The following SGCZ variants were observed in gnomAD, a reference collection of about 807,000 sequenced individuals.
SGCZ encodes sarcoglycan zeta, also known as zeta-sarcoglycan.
Under a neutral mutation model 41.3 loss-of-function variants are expected in SGCZ, and 40 were observed. The ratio of observed to expected loss-of-function variants is 0.97; its 90% CI spans 0.75 to 1.26. The LOEUF (loss-of-function observed/expected upper bound fraction) is 1.26. Ranked by LOEUF, SGCZ falls within the 50% of genes most tolerant of loss-of-function variation. The pLI, the probability that SGCZ is intolerant of heterozygous loss-of-function variation, is 0.00. For missense variants in SGCZ, 552 were observed against 369.8 expected (o/e 1.49, Z -4.04); for synonymous variants, 206 against 137.5 (o/e 1.50, Z -3.49).
rs563228127 is a variant in SGCZ at position 14,945,166 on chromosome 8, G to A, written c.39+292419C>T. The stretch of plus-strand genomic sequence containing the variant: ...TAGGCAATGTTGTGTGTGGGTGGGT[G>A]GGGGGGGTGGGCGGGGACAGAGTAA... On this transcript the variant is annotated intron_variant, in intron 1 of 7. Coordinates refer to ENST00000382080, the MANE Select transcript of SGCZ (RefSeq NM_139167.4). 4.6e-3 allele frequency among the ~76,000 whole-genome samples: 525 copies of A among 114,366 alleles called. 6 individuals are homozygous for A. The highest frequency in any genetic ancestry group is 0.017 in the African/African-American group (505 of 30,316). 75.0% of individuals were successfully genotyped at this position (114,366 alleles called of 152,430 possible). A position where few individuals can be genotyped will look rare whatever the true frequency, so the allele number is the denominator to read the frequency against.
chr8:14,935,774 C>T (rs1207222942), intron 1 of SGCZ, among the ~76,000 whole-genome samples: 1 of 151,178 alleles, frequency 6.6e-6, no homozygotes, highest in Non-Finnish European at 1.5e-5. Flanking sequence ...CTGAAATTTC[C>T]AATTATAAAA....
At chr8:14,133,052 C>T (rs1803090217) in intron 5 of SGCZ, among the ~76,000 whole-genome samples, 1 of 151,924 alleles carries the variant, frequency 6.6e-6, no homozygotes, top group Non-Finnish European at 1.5e-5. Context: ...ATAAAAAAAC[C>T]ACGTTTCTCA....
intron 1 of SGCZ, among the ~76,000 whole-genome samples, chr8:14,839,302 A>G (rs1219683183): frequency 6.6e-6 from 1 of 152,154 alleles, no homozygotes; most frequent in African/African-American, 2.4e-5. Flanking sequence ...GTAGCCAGGT[A>G]AAGAGAGGTG....
chr8:14,813,661 A>G (rs1406078777), intron 1 of SGCZ, among the ~76,000 whole-genome samples: 1 of 152,132 alleles, frequency 6.6e-6, no homozygotes, highest in Non-Finnish European at 1.5e-5. Context: ...TAAAATAATA[A>G]TAAAGCAAGG....
chr8:14,234,109 C>T (rs941425731), intron 4 of SGCZ, among the ~76,000 whole-genome samples: 1 of 152,032 alleles, frequency 6.6e-6, no homozygotes, highest in African/African-American at 2.4e-5. Flanking sequence ...GGAACTTCAT[C>T]AATTCACAGA....
intron 1 of SGCZ, among the ~76,000 whole-genome samples, chr8:14,998,923 T>C (rs1299588634): frequency 6.6e-6 from 1 of 152,216 alleles, no homozygotes; most frequent in Non-Finnish European, 1.5e-5. Flanking sequence ...AAATTATTGA[T>C]TGAATTTAAT....
At chr8:14,737,187 ATATATG>A in intron 1 of SGCZ, among the ~76,000 whole-genome samples, 1 of 149,946 alleles carries the variant, frequency 6.7e-6, no homozygotes, top group Non-Finnish European at 1.5e-5. Flanking sequence ...ATACATATAT[ATATATG>A]TATGATGGGA....
chr8:14,695,166 A>G (rs1478736142), intron 1 of SGCZ, among the ~76,000 whole-genome samples: 4 of 152,154 alleles, frequency 2.6e-5, no homozygotes, highest in Admixed American at 2.6e-4. Flanking sequence ...AAAATAAAAA[A>G]AAATAGCAAA....
chr8:15,023,511 C>T (rs1261344624), intron 1 of SGCZ, among the ~76,000 whole-genome samples: 1 of 152,138 alleles, frequency 6.6e-6, no homozygotes, highest in African/African-American at 2.4e-5. Context: ...GCTGTTCATG[C>T]TACTCAAAGT....
intron 1 of SGCZ, among the ~76,000 whole-genome samples, chr8:14,605,411 C>A (rs932179878): frequency 6.6e-6 from 1 of 152,020 alleles, no homozygotes; most frequent in African/African-American, 2.4e-5. Flanking sequence ...TACCAACAAT[C>A]GAATTACACT....
chr8:14,671,065 C>T (rs1359494543), intron 1 of SGCZ, among the ~76,000 whole-genome samples: 1 of 152,216 alleles, frequency 6.6e-6, no homozygotes, highest in African/African-American at 2.4e-5. Flanking sequence ...ACTGCGCATT[C>T]ATTTTCCTCT....
intron 2 of SGCZ, among the ~76,000 whole-genome samples, chr8:14,340,731 A>G (rs1802673599): frequency 6.6e-6 from 1 of 152,206 alleles, no homozygotes; most frequent in South Asian, 2.1e-4. Flanking sequence ...TAAATAATAA[A>G]GTGCAAAACC....
intron 5 of SGCZ, among the ~76,000 whole-genome samples, chr8:14,164,374 A>C: frequency 6.6e-6 from 1 of 151,964 alleles, no homozygotes; most frequent in East Asian, 1.9e-4. Flanking sequence ...CTTTACTTTT[A>C]TGTCATTGAG....
chr8:14,508,147 G>A (rs1476536285), intron 2 of SGCZ, among the ~76,000 whole-genome samples: 2 of 152,006 alleles, frequency 1.3e-5, no homozygotes, highest in East Asian at 1.9e-4. Context: ...ATTTTCCCAA[G>A]AACTTACCAG....
chr8:15,043,053 A>G (rs1804167648), intron 1 of SGCZ, among the ~76,000 whole-genome samples: 1 of 152,176 alleles, frequency 6.6e-6, no homozygotes, highest in Non-Finnish European at 1.5e-5. Context: ...ATGGAGCACC[A>G]CTGTCATGGT....
chr8:15,200,655 G>A (rs1800861647), intron 1 of SGCZ, among the ~76,000 whole-genome samples: 1 of 152,106 alleles, frequency 6.6e-6, no homozygotes, highest in Non-Finnish European at 1.5e-5. Flanking sequence ...TATAACATTA[G>A]TGAGAGCCAG....
intron 1 of SGCZ, among the ~76,000 whole-genome samples, chr8:14,814,444 C>T (rs62493297): frequency 0.016 from 2,371 of 152,222 alleles, 29 homozygotes; most frequent in Non-Finnish European, 0.02. Flanking sequence ...ATAGCACTTT[C>T]CAGTATAAAG....
intron 2 of SGCZ, among the ~76,000 whole-genome samples, chr8:14,377,991 C>T (rs1167005511): frequency 1.1e-3 from 164 of 149,766 alleles, no homozygotes; most frequent in African/African-American, 4.0e-3. Flanking sequence ...AATAAACATA[C>T]GTGTGCATGT....
chr8:14,397,078 C>T lies in SGCZ; in HGVS notation c.235-72874G>A, dbSNP rs564312955. Reference sequence around the variant, plus strand: ...GAGTAATTTTACCTATTCCTCTCAACGTTACGTAAATTTTAATACTGGTAC... The same window carrying T: ...GAGTAATTTTACCTATTCCTCTCAATGTTACGTAAATTTTAATACTGGTAC... On this transcript the variant is annotated intron_variant, in intron 2 of 7. Coordinates refer to ENST00000382080, the MANE Select transcript of SGCZ (RefSeq NM_139167.4). Among the ~76,000 whole-genome samples the T allele has an allele frequency of 1.1e-4, 16 of 152,192 alleles. 1 individual carries two copies. In the South Asian group the frequency reaches 1.7e-3, roughly 16 times the overall value.
Sources: allele counts gnomAD v4.1 joint callset (sites outside exome capture counted in the v4.1 genomes callset), GRCh38; gene constraint gnomAD v4.1.1; transcripts MANE v1.5; gene names NCBI Gene and HGNC (gene_info 2026-07-23, HGNC 2026-07-21).